Variants in GPN3 observed in about 807,000 individuals in gnomAD.
GPN3 encodes the protein GPN-loop GTPase 3, also known as ATP-binding domain 1 family member C.
A neutral mutation model predicts 38.7 loss-of-function variants in GPN3; 31 were observed. The ratio of observed to expected loss-of-function variants is 0.80; its 90% confidence interval spans 0.60 to 1.08. The LOEUF (loss-of-function observed/expected upper bound fraction) is 1.08, where lower values mean the gene tolerates loss of function less well. Among genes scored for constraint, GPN3 ranks in the 50% least tolerant of loss-of-function variants. The probability of loss-of-function intolerance (pLI) is 0.00; values close to 1 mark genes in which losing one functional copy is unlikely to be tolerated. For synonymous variants in GPN3, 116 were observed against 120.2 expected, an observed-to-expected ratio of 0.96 and a Z score of 0.23; for missense variants, 301 against 354.4, an observed-to-expected ratio of 0.85 and a Z score of 1.21.
rs2062522794 is a variant in GPN3 at position 110,452,942 on chromosome 12, T to G, written c.*92A>C. The G allele has an allele frequency of 1.3e-6, 1 of 754,680 alleles. No homozygotes were observed. Among genetic ancestry groups the G allele is most frequent in the Non-Finnish European group, 2.4e-6 (1 of 408,832 alleles). The allele number at this position is 754,680 out of a possible 1,614,324, so 46.7% of individuals were successfully genotyped here. A position where few individuals can be genotyped will look rare whatever the true frequency, so the allele number is the denominator to read the frequency against. Reference sequence around the variant, plus strand: ...GAAGTTTTACTTTTTTTCATTAAAATAAGTAGCTTTCTACTATTGCATCCT... The same window carrying G: ...GAAGTTTTACTTTTTTTCATTAAAAGAAGTAGCTTTCTACTATTGCATCCT... On this transcript the variant is annotated 3_prime_UTR_variant, in exon 8 of 8. Transcript: ENST00000228827.
intron 4 of GPN3, 132 bp from the exon 5 acceptor site, chr12:110,456,062 G>A: frequency 1.7e-6 from 1 of 597,160 alleles, no homozygotes. Flanking sequence ...GGACGTGGTG[G>A]CTCATGCCTG....
At position 110,458,492 on chromosome 12, in the gene GPN3, A is replaced by G. The variant is rs2062565284; in HGVS notation, c.326-858T>C. Among the ~76,000 whole-genome samples the G allele has an allele frequency of 1.3e-5, 2 of 152,016 alleles. No homozygotes were observed. The highest frequency in any genetic ancestry group is 4.8e-5 in the African/African-American group (2 of 41,400). The stretch of plus-strand genomic sequence containing the variant: ...CAGGTTAGGCTCAAGTTGAAAATTC[A>G]CAATTTGGGCTGGAGGTGGTGGCTC... On this transcript the variant is annotated intron_variant, in intron 3 of 7. Coordinates refer to ENST00000228827, the MANE Select transcript of GPN3 (RefSeq NM_016301.4). This position sits in a 1 kb window ranked among gnomAD's most constrained non-coding sequence, Gnocchi z 4.4.
chr12:110,468,613 G>A (rs1164779393), upstream of GPN3: 2 of 1,537,124 alleles, frequency 1.3e-6, no homozygotes, highest in East Asian at 2.4e-5. Context: ...TGAAGTGGAA[G>A]GCACCTCTTG....
At chr12:110,467,738 G>A (rs2062644738) in intron 1 of GPN3, among the ~76,000 whole-genome samples, 1 of 152,202 alleles carries the variant, frequency 6.6e-6, no homozygotes, top group Non-Finnish European at 1.5e-5. Context: ...CAAGTTCTGA[G>A]AAACAGTAAT....
chr12:110,461,492 C>T (rs187192618), intron 2 of GPN3: 12 of 498,554 alleles, frequency 2.4e-5, no homozygotes, highest in Admixed American at 3.8e-5. Context: ...CCCAGCTGCT[C>T]GGGAGGCTGA....
chr12:110,456,644 T>C (rs897099881), intron 4 of GPN3, among the ~76,000 whole-genome samples: 6 of 151,910 alleles, frequency 3.9e-5, no homozygotes, highest in Non-Finnish European at 7.4e-5. Context: ...ATAGACTATT[T>C]TATAAAATAG....
chr12:110,461,086 C>T (rs1592964938), intron 2 of GPN3: 2 of 1,495,966 alleles, frequency 1.3e-6, no homozygotes, highest in Non-Finnish European at 1.9e-6. Flanking sequence ...ACAAGCACAT[C>T]TATGGAGTGG....
intron 7 of GPN3, 78 bp downstream of exon 7, chr12:110,453,665 C>G: frequency 8.7e-7 from 1 of 1,147,384 alleles, no homozygotes; most frequent in South Asian, 1.3e-5. Context: ...AAGGAGTCGC[C>G]TGGATTATGC....
chr12:110,454,402 T>G (rs897501509), intron 6 of GPN3, among the ~76,000 whole-genome samples: 11 of 151,610 alleles, frequency 7.3e-5, no homozygotes, highest in South Asian at 2.1e-4. Flanking sequence ...TTTTTTTTTT[T>G]TGGGGAGACA....
At position 110,452,706 on chromosome 12, in the gene GPN3, C is replaced by T. The variant is rs974457759; in HGVS notation, c.*328G>A. On this transcript the variant is annotated 3_prime_UTR_variant, in exon 8 of 8. Coordinates refer to ENST00000228827, the MANE Select transcript of GPN3 (RefSeq NM_016301.4). ...TATTTTGTTACAGTAATTCCTGCATCTCAAAAATAATACAAAAAGTGAAAA... is the reference window on the plus strand; with the variant it reads ...TATTTTGTTACAGTAATTCCTGCATTTCAAAAATAATACAAAAAGTGAAAA... 1.3e-5 allele frequency: 3 copies of T among 236,070 alleles called. No individual in the cohort carries two copies. Among genetic ancestry groups the T allele is most frequent in the Non-Finnish European group, 2.6e-5 (3 of 117,162 alleles). 14.6% of individuals were successfully genotyped at this position (236,070 alleles called of 1,614,324 possible).
rs1403487743 is a variant in GPN3 at position 110,453,605 on chromosome 12, C to T, written c.792+138G>A. On this transcript the variant is annotated intron_variant, in intron 7 of 7. Coordinates refer to ENST00000228827, the MANE Select transcript of GPN3 (RefSeq NM_016301.4). ...GGAGTACAGTGTTAATTTCAGAGATCACCCAGAAAAGCCCAGTTAACTGCC... is the reference window on the plus strand; with the variant it reads ...GGAGTACAGTGTTAATTTCAGAGATTACCCAGAAAAGCCCAGTTAACTGCC... 22 of 644,130 alleles carry T rather than the reference C, an allele frequency of 3.4e-5. No individual in the cohort carries two copies. The East Asian group carries it at 5.8e-4, about 17-fold the overall frequency. 39.9% of individuals were successfully genotyped at this position (644,130 alleles called of 1,614,324 possible).
chr12:110,462,370 T>C (rs779174586), intron 2 of GPN3, among the ~76,000 whole-genome samples: 2 of 152,060 alleles, frequency 1.3e-5, no homozygotes, highest in Non-Finnish European at 2.9e-5. Context: ...ACGACCTGTC[T>C]CCCTCCACAG....
In GPN3 at chr12:110,452,747, C is replaced by CTTA. The variant is rs2062521141; in HGVS notation, c.*284_*286dup. On this transcript the variant is annotated 3_prime_UTR_variant, in exon 8 of 8. Transcript: ENST00000228827. The stretch of plus-strand genomic sequence containing the variant: ...AAAGTGAAAATAAGTTTAGACCAGC[C>CTTA]TTAACCTTAGCTCAGGTGCTAATTT... The CTTA allele has an allele frequency of 3.1e-6, 1 of 325,080 alleles. No individual in the cohort carries two copies. The highest frequency in any genetic ancestry group is 7.6e-5 in the East Asian group (1 of 13,104). 20.1% of individuals were successfully genotyped at this position (325,080 alleles called of 1,614,324 possible).
chr12:110,456,748 G>T (rs538032499), intron 4 of GPN3, among the ~76,000 whole-genome samples: 1 of 150,688 alleles, frequency 6.6e-6, no homozygotes, highest in Admixed American at 6.6e-5. Flanking sequence ...GTGTGCAATG[G>T]TGCGATCTTG....
At position 110,455,933 on chromosome 12, in the gene GPN3, G is replaced by A; in HGVS notation, c.451-3C>T. 1 of 1,483,176 alleles carries A rather than the reference G, an allele frequency of 6.7e-7. No homozygotes were observed. Among genetic ancestry groups the A allele is most frequent in the Non-Finnish European group, 9.4e-7 (1 of 1,061,122 alleles). 91.9% of individuals were successfully genotyped at this position (1,483,176 alleles called of 1,614,324 possible). ...GCTGCCAAGATGCCAGAAATAAACT[G>A]AAGGAGGAAACAGAAAAGGGAAGAT... On this transcript the variant is annotated splice_polypyrimidine_tract_variant and splice_region_variant and intron_variant, in intron 4 of 7. Transcript: ENST00000228827.
intron 2 of GPN3, among the ~76,000 whole-genome samples, chr12:110,462,484 C>T (rs184420535): frequency 2.0e-5 from 3 of 152,344 alleles, no homozygotes; most frequent in South Asian, 2.1e-4. Flanking sequence ...GTTAATTCAA[C>T]TTGCAAAATA....
chr12:110,457,464 A>T, intron 4 of GPN3, 46 bp downstream of exon 4: 2 of 1,276,886 alleles, frequency 1.6e-6, no homozygotes, highest in South Asian at 1.8e-5. Flanking sequence ...ACACAAAAAA[A>T]AAAAAAAAAA....
chr12:110,457,510 CT>C lies in GPN3; in HGVS notation c.449del (p.Lys150SerfsTer10). On this transcript the variant is annotated frameshift_variant and splice_region_variant, in exon 4 of 8. Transcript: ENST00000228827. LOFTEE classifies it high-confidence loss of function. The part of the protein sequence containing the change: ...VDSQFMVESF[K>X]FISGILAALS... The stretch of plus-strand genomic sequence containing the variant: ...ATCTGTAAGAGATTTAGCTTCAGAC[CT>C]TGAATGACTCCACCATGAACTGAGA... 1 of 1,450,428 alleles carries C rather than the reference CT, an allele frequency of 6.9e-7. No individual in the cohort carries two copies. Among genetic ancestry groups the C allele is most frequent in the Non-Finnish European group, 9.4e-7 (1 of 1,062,766 alleles). The allele number at this position is 1,450,428 out of a possible 1,614,324, so 89.8% of individuals were successfully genotyped here.
intron 3 of GPN3, among the ~76,000 whole-genome samples, chr12:110,459,462 G>C (rs1428060873): frequency 6.6e-6 from 1 of 152,040 alleles, no homozygotes; most frequent in East Asian, 1.9e-4. Flanking sequence ...GGATGGTCTC[G>C]ATCTCCTGAC....
Sources: allele counts gnomAD v4.1 joint callset (sites outside exome capture counted in the v4.1 genomes callset), GRCh38; gene constraint gnomAD v4.1.1; non-coding constraint Gnocchi (gnomAD v3.1); transcripts MANE v1.5; gene names NCBI Gene and HGNC (gene_info 2026-07-23, HGNC 2026-07-21).